EMC7: variants seen among roughly 807,000 people sequenced by gnomAD.
EMC7 encodes ER membrane protein complex subunit 7.
Under a neutral mutation model 24.4 loss-of-function variants are expected in EMC7, and 4 were observed. That is an observed-to-expected ratio of 0.16 (90% CI 0.08 to 0.38). EMC7 has a LOEUF of 0.38. EMC7 is among the 10% of genes least tolerant of loss of function. The probability of loss-of-function intolerance (pLI) is 1.00; values close to 1 mark genes in which losing one functional copy is unlikely to be tolerated. For missense variants in EMC7, 221 were observed against 300.6 expected (o/e 0.74, Z 1.96); for synonymous variants, 106 against 112.0 (o/e 0.95, Z 0.34).
chr15:34,093,823 A>ATATATATTTTTTTTT (rs1190830993), intron 2 of EMC7, among the ~76,000 whole-genome samples: 7 of 48,694 alleles, frequency 1.4e-4, no homozygotes, highest in African/African-American at 7.7e-4. Flanking sequence ...ATATATATAT[A>ATATATATTTTTTTTT]TTTTTTTTTT....
In EMC7 at chr15:34,084,036, TG is replaced by T. The variant is rs1900835187; in HGVS notation, c.*297del. On this transcript the variant is annotated 3_prime_UTR_variant, in exon 5 of 5. Coordinates refer to ENST00000256545, the MANE Select transcript of EMC7 (RefSeq NM_020154.3). ...AGATGATTTGATTTCTGGATTAAGA[TG>T]TTTTAATTAATATACATAATGTATA... is the stretch of plus-strand genomic sequence containing the variant. 4.2e-6 allele frequency: 1 copy of T among 238,646 alleles called. No individual in the cohort carries two copies. Among genetic ancestry groups the T allele is most frequent in the Non-Finnish European group, 7.9e-6 (1 of 125,872 alleles). The allele number at this position is 238,646 out of a possible 1,614,324, so 14.8% of individuals were successfully genotyped here. A position where few individuals can be genotyped will look rare whatever the true frequency, so the allele number is the denominator to read the frequency against.
At chr15:34,089,197 C>G (rs1900939622) in intron 3 of EMC7, among the ~76,000 whole-genome samples, 1 of 152,136 alleles carries the variant, frequency 6.6e-6, no homozygotes, top group South Asian at 2.1e-4. Flanking sequence ...TTTTTAAAAA[C>G]AGCAAAAGAA....
At chr15:34,090,524 A>G in intron 2 of EMC7, 69 bp from the exon 3 acceptor site, 1 of 1,510,804 alleles carries the variant, frequency 6.6e-7, no homozygotes, top group East Asian at 2.3e-5. Flanking sequence ...AGAACTGCTT[A>G]TATTATATTA....
chr15:34,099,629 G>A (rs561298444), intron 1 of EMC7, among the ~76,000 whole-genome samples: 2 of 150,610 alleles, frequency 1.3e-5, no homozygotes, highest in African/African-American at 5.0e-5. Flanking sequence ...CCTGAGAGAC[G>A]GGGTTTTGCT....
intron 2 of EMC7, 35 bp from the exon 3 acceptor site, chr15:34,090,490 C>A: frequency 6.3e-7 from 1 of 1,585,656 alleles, no homozygotes; most frequent in Non-Finnish European, 8.6e-7. Flanking sequence ...AACAGTAATT[C>A]CATTAAAAAC....
chr15:34,084,193 TA>T lies in EMC7; in HGVS notation c.*140del. 9.3e-7 allele frequency: 1 copy of T among 1,079,912 alleles called. No individual in the cohort carries two copies. The highest frequency in any genetic ancestry group is 1.3e-6 in the Non-Finnish European group (1 of 772,498). The allele number at this position is 1,079,912 out of a possible 1,614,324, so 66.9% of individuals were successfully genotyped here. A position where few individuals can be genotyped will look rare whatever the true frequency, so the allele number is the denominator to read the frequency against. ...CGTGTACCAAGTACAAAACATGTGCTAAAAAGTTAACATACACAGTTGTAAG... is the reference window on the plus strand; with the variant it reads ...CGTGTACCAAGTACAAAACATGTGCTAAAAGTTAACATACACAGTTGTAAG... On this transcript the variant is annotated 3_prime_UTR_variant, in exon 5 of 5. Transcript: ENST00000256545.
chr15:34,084,596 T>A, intron 4 of EMC7, 110 bp from the exon 5 acceptor site: 1 of 1,222,294 alleles, frequency 8.2e-7, no homozygotes, highest in Non-Finnish European at 1.1e-6. Context: ...AGGTACTGGT[T>A]CTGAGCAATG....
chr15:34,100,621 AG>A (rs772997205), intron 1 of EMC7: 1 of 152,242 alleles, frequency 6.6e-6, no homozygotes, highest in Non-Finnish European at 1.5e-5. Context: ...TATTAATCTG[AG>A]GTTGAATAAC....
At chr15:34,096,265 G>A (rs1461588815) in intron 1 of EMC7, among the ~76,000 whole-genome samples, 1 of 152,206 alleles carries the variant, frequency 6.6e-6, no homozygotes, top group Non-Finnish European at 1.5e-5. Flanking sequence ...CCGCCTCCTG[G>A]GTTCGAGCGA....
At position 34,084,178 on chromosome 15, in the gene EMC7, G is replaced by T; in HGVS notation, c.*156C>A. 1 of 912,694 alleles carries T rather than the reference G, an allele frequency of 1.1e-6. No homozygotes were observed. Among genetic ancestry groups the T allele is most frequent in the Non-Finnish European group, 1.6e-6 (1 of 625,912 alleles). The allele number at this position is 912,694 out of a possible 1,614,324, so 56.5% of individuals were successfully genotyped here. A position where few individuals can be genotyped will look rare whatever the true frequency, so the allele number is the denominator to read the frequency against. On this transcript the variant is annotated 3_prime_UTR_variant, in exon 5 of 5. Transcript: ENST00000256545. ...AAAGCTGGGTTTTCTCGTGTACCAA[G>T]TACAAAACATGTGCTAAAAAGTTAA... is the stretch of plus-strand genomic sequence containing the variant.
At chr15:34,084,742 CTTTTT>C (rs11362896) in intron 4 of EMC7, among the ~76,000 whole-genome samples, 2 of 144,438 alleles carry the variant, frequency 1.4e-5, no homozygotes, top group Non-Finnish European at 3.0e-5. Context: ...TTCTGCTTGC[CTTTTT>C]TTTTTTTTAT....
chr15:34,085,885 A>G (rs921436699), intron 4 of EMC7: 2 of 150,640 alleles, frequency 1.3e-5, no homozygotes, highest in Non-Finnish European at 1.5e-5. Flanking sequence ...TTTAAACACA[A>G]ATAAAACATG....
intron 4 of EMC7, among the ~76,000 whole-genome samples, chr15:34,085,306 G>C (rs934266815): frequency 2.0e-5 from 3 of 152,022 alleles, no homozygotes; most frequent in African/African-American, 7.2e-5. Flanking sequence ...TTGAGTATTT[G>C]TCCTCCCCTT....
intron 4 of EMC7, 95 bp downstream of exon 4, chr15:34,087,958 C>T: frequency 9.6e-7 from 1 of 1,038,848 alleles, no homozygotes; most frequent in East Asian, 2.5e-5. Flanking sequence ...GAGTTTGAGG[C>T]CACTCAAACT....
intron 1 of EMC7, among the ~76,000 whole-genome samples, chr15:34,099,824 G>A (rs548682186): frequency 6.7e-6 from 1 of 149,674 alleles, no homozygotes; most frequent in Non-Finnish European, 1.5e-5. Flanking sequence ...CAGCTGGTCT[G>A]AAACTCCTGG....
intron 2 of EMC7, among the ~76,000 whole-genome samples, chr15:34,093,651 A>G (rs981278309): frequency 1.3e-5 from 2 of 150,386 alleles, no homozygotes; most frequent in Non-Finnish European, 3.0e-5. Flanking sequence ...AGCAGTATAT[A>G]TAACATATAC....
rs766635045 is a variant in EMC7 at position 34,090,471 on chromosome 15, G to A, written c.357-16C>T. 3 of 1,599,370 alleles carry A rather than the reference G, an allele frequency of 1.9e-6. No homozygotes were observed. The Admixed American group carries it at 5.3e-5, about 28-fold the overall frequency. On this transcript the variant is annotated splice_polypyrimidine_tract_variant and intron_variant, in intron 2 of 4. Coordinates refer to ENST00000256545, the MANE Select transcript of EMC7 (RefSeq NM_020154.3). The stretch of plus-strand genomic sequence containing the variant: ...ATATCTTGCTCTGATAAAGCAACAT[G>A]GGGAAAGCAACAGTAATTCCATTAA...
At position 34,101,804 on chromosome 15, in the gene EMC7, C is replaced by G. The variant is rs754548142; in HGVS notation, c.36G>C (p.Leu12=). 1.5e-5 allele frequency: 24 copies of G among 1,610,882 alleles called. No individual in the cohort carries two copies. Among genetic ancestry groups the G allele is most frequent in the Non-Finnish European group, 2.0e-5 (23 of 1,179,416 alleles). The part of the protein sequence containing the change: ...AAALWGFFPV[L]LLLLLSGDVQ... ...CATCCCCCGATAGCAGCAGCAGCAG[C>G]AGGACGGGAAAGAAGCCCCACAGAG... is the stretch of plus-strand genomic sequence containing the variant. Residue 12 remains leucine (L), a synonymous_variant, in exon 1 of 5, where the codon CTG becomes CTC. Coordinates refer to ENST00000256545, the MANE Select transcript of EMC7 (RefSeq NM_020154.3).
chr15:34,094,382 A>C (rs1179400077), intron 2 of EMC7, among the ~76,000 whole-genome samples: 1 of 152,078 alleles, frequency 6.6e-6, no homozygotes, highest in East Asian at 1.9e-4. Context: ...AAAAATACAA[A>C]AATTAGCCGG....
Sources: allele counts gnomAD v4.1 joint callset (sites outside exome capture counted in the v4.1 genomes callset), GRCh38; gene constraint gnomAD v4.1.1; transcripts MANE v1.5; gene names NCBI Gene and HGNC (gene_info 2026-07-23, HGNC 2026-07-21).